Variants in C16orf96 observed in about 807,000 individuals in gnomAD.
C16orf96 encodes uncharacterized protein C16orf96.
In C16orf96, 108 loss-of-function variants were observed where a neutral mutation model predicts 103.6. The observed-to-expected ratio is 1.04, with a 90% CI of 0.89 to 1.22. The LOEUF (loss-of-function observed/expected upper bound fraction) is 1.22, where lower values mean the gene tolerates loss of function less well. Among genes scored for constraint, C16orf96 ranks in the 50% most tolerant of loss-of-function variants. C16orf96 has a pLI of 0.00. For synonymous variants in C16orf96, 566 were observed against 593.5 expected (o/e 0.95, Z 0.67); for missense variants, 1,586 against 1,464.2 (o/e 1.08, Z -1.36).
At chr16:4,540,808 C>T in the C16orf96 span, among the ~76,000 whole-genome samples, 4 of 151,898 alleles carry the variant, frequency 2.6e-5, no homozygotes, top group African/African-American at 9.7e-5. Context: ...AGTACAGTGG[C>T]ATGATCATAG....
At position 4,556,581 on chromosome 16, in the gene C16orf96, A is replaced by G; in HGVS notation, c.92A>G (p.His31Arg). 1 of 1,551,690 alleles carries G rather than the reference A, an allele frequency of 6.4e-7. No homozygotes were observed. Among genetic ancestry groups the G allele is most frequent in the South Asian group, 1.2e-5 (1 of 84,054 alleles). ...LNFKALHLLL[H>R]GILEHIHMAE... ...TTCAAGGCCCTGCACCTCCTGCTGCACGGCATCTTGGAGCACATCCACATG... is the reference window on the plus strand; with the variant it reads ...TTCAAGGCCCTGCACCTCCTGCTGCGCGGCATCTTGGAGCACATCCACATG... The change falls in exon 1 of 16, where the codon CAC (histidine) becomes CGC (arginine). Residue 31 changes from histidine (H) to arginine (R), a missense_variant. By Grantham distance (29) the His-to-Arg change is conservative. Coordinates refer to ENST00000444310, the MANE Select transcript of C16orf96 (RefSeq NM_001145011.2).
rs1418347642 is a variant in C16orf96 at position 4,600,498 on chromosome 16, C to A, written c.*181C>A. Reference sequence around the variant, plus strand: ...AGGCTGAGGCTCATGCGCCCCCCCCCATCCCTACCAAGTCCCCTCCACGTC... The same window carrying A: ...AGGCTGAGGCTCATGCGCCCCCCCCAATCCCTACCAAGTCCCCTCCACGTC... On this transcript the variant is annotated 3_prime_UTR_variant, in exon 16 of 16. Transcript: ENST00000444310. The A allele has an allele frequency of 5.5e-5, 26 of 474,482 alleles. 2 individuals carry two copies. The highest frequency in any genetic ancestry group is 1.1e-4 in the African/African-American group (5 of 44,466). The allele number at this position is 474,482 out of a possible 1,614,324, so 29.4% of individuals were successfully genotyped here.
chr16:4,574,540 A>G (rs2059477389), intron 2 of C16orf96, among the ~76,000 whole-genome samples, 169 bp from the exon 3 acceptor site: 1 of 152,186 alleles, frequency 6.6e-6, no homozygotes, highest in Non-Finnish European at 1.5e-5. Context: ...TTTCAAGCCC[A>G]GCATTTCCCA....
chr16:4,586,122 T>C (rs1177091367), intron 7 of C16orf96, among the ~76,000 whole-genome samples: 8 of 151,998 alleles, frequency 5.3e-5, no homozygotes, highest in Non-Finnish European at 7.4e-5. Flanking sequence ...TAGCCAGGCG[T>C]GGTGTTGGGT....
Position 4,594,405 on chromosome 16 carries a change from G to T in C16orf96, c.2922G>T (p.Gln974His). ...TCGGTATCCAGGAGGATTGTCAGCA[G>T]GACTGGGGTGATGGCCCCCAAAACG... ...QDLGIQEDCQ[Q>H]DWGDGPQNAT... The change falls in exon 13 of 16, where the codon CAG becomes CAT. Residue 974 changes from glutamine to histidine, a missense_variant. By Grantham distance (24) the Gln-to-His change is conservative. Transcript: ENST00000444310. 6.4e-7 allele frequency: 1 copy of T among 1,551,394 alleles called. No homozygotes were observed. Among genetic ancestry groups the T allele is most frequent in the Non-Finnish European group, 8.7e-7 (1 of 1,147,002 alleles).
intron 2 of C16orf96, among the ~76,000 whole-genome samples, chr16:4,572,348 G>A (rs2059448811): frequency 7.9e-6 from 1 of 127,364 alleles, no homozygotes; most frequent in East Asian, 2.3e-4. Flanking sequence ...TGCCCAGGCT[G>A]GAGTGTAGTG....
chr16:4,546,457 CT>C, the C16orf96 span, among the ~76,000 whole-genome samples: 2,138 of 104,534 alleles, frequency 0.02, 54 homozygotes, highest in African/African-American at 0.07. Flanking sequence ...CGCGCCCGGA[CT>C]TTTTTTTTTT....
chr16:4,561,973 C>T (rs1256647533), intron 1 of C16orf96, among the ~76,000 whole-genome samples: 1 of 152,148 alleles, frequency 6.6e-6, no homozygotes, highest in African/African-American at 2.4e-5. Context: ...GAAACTGTTT[C>T]GTCTAACCCT....
At position 4,594,765 on chromosome 16, in the gene C16orf96, G is replaced by C. The variant is rs200240491; in HGVS notation, c.3089G>C (p.Arg1030Pro). 3 of 1,550,850 alleles carry C rather than the reference G, an allele frequency of 1.9e-6. No individual in the cohort carries two copies. Among genetic ancestry groups the C allele is most frequent in the Admixed American group, 3.9e-5 (2 of 50,968 alleles). The part of the protein sequence containing the change: ...ILYKGRVNSQ[R>P]GAQPLAVAKE... ...TACAAAGGCCGCGTGAACAGCCAGCGTGGGGCTCAGCCCTTGGCCGTCGCA... is the reference window on the plus strand; with the variant it reads ...TACAAAGGCCGCGTGAACAGCCAGCCTGGGGCTCAGCCCTTGGCCGTCGCA... The change falls in exon 14 of 16, where the codon CGT becomes CCT. Residue 1030 changes from arginine (R) to proline (P), a missense_variant. Arg to Pro is a moderately radical substitution (Grantham distance 103, BLOSUM62 -2). Transcript: ENST00000444310.
intron 7 of C16orf96, among the ~76,000 whole-genome samples, chr16:4,585,312 A>AAAAAAAAAAAAAAAAAAAAAAAAAAAG (rs60726283): frequency 9.1e-6 from 1 of 109,944 alleles, no homozygotes; most frequent in Non-Finnish European, 1.8e-5. Context: ...AAAAAAAAAA[A>AAAAAAAAAAAAAAAAAAAAAAAAAAAG]TCCAGGTAGG....
chr16:4,564,401 T>A (rs558629416), intron 1 of C16orf96, among the ~76,000 whole-genome samples: 213 of 152,320 alleles, frequency 1.4e-3, no homozygotes, highest in African/African-American at 4.9e-3. Context: ...TCTAAGGGGA[T>A]GCTAACAACC....
intron 1 of C16orf96, among the ~76,000 whole-genome samples, chr16:4,569,319 C>G (rs2059412380): frequency 1.3e-5 from 2 of 152,184 alleles, no homozygotes; most frequent in Non-Finnish European, 2.9e-5. Context: ...ATTGAAGTCT[C>G]AAACTATTCT....
intron 9 of C16orf96, among the ~76,000 whole-genome samples, chr16:4,589,532 C>T (rs1171628525): frequency 1.3e-5 from 2 of 151,118 alleles, no homozygotes; most frequent in African/African-American, 2.4e-5. Context: ...GAACCAAAAT[C>T]GTGCCACTGC....
intron 11 of C16orf96, 45 bp downstream of exon 11, chr16:4,592,412 G>A: frequency 6.5e-7 from 1 of 1,547,490 alleles, no homozygotes; most frequent in Non-Finnish European, 8.7e-7. Context: ...GGGCTTGTGG[G>A]GCCCATGGAG....
At chr16:4,564,549 G>A (rs2059367414) in intron 1 of C16orf96, among the ~76,000 whole-genome samples, 1 of 152,134 alleles carries the variant, frequency 6.6e-6, no homozygotes, top group Admixed American at 6.5e-5. Flanking sequence ...GGTGGTTTAC[G>A]CCTATGATCC....
At chr16:4,580,317 C>CG (rs543664473) in intron 7 of C16orf96, among the ~76,000 whole-genome samples, 192 bp downstream of exon 7, 1 of 130,766 alleles carries the variant, frequency 7.6e-6, no homozygotes, top group Non-Finnish European at 1.7e-5. Context: ...ACCACCCCCC[C>CG]CCACCCATAT....
chr16:4,553,544 T>C (rs1016389410), upstream of C16orf96, among the ~76,000 whole-genome samples: 3 of 152,086 alleles, frequency 2.0e-5, no homozygotes, highest in Non-Finnish European at 2.9e-5. Flanking sequence ...CACCGTGTTG[T>C]GCAGGCTGGT....
the C16orf96 span, among the ~76,000 whole-genome samples, chr16:4,546,709 T>C: frequency 4.6e-5 from 7 of 151,970 alleles, no homozygotes; most frequent in Non-Finnish European, 1.0e-4. Flanking sequence ...CAAGCAGTCC[T>C]CCCATCTTAG....
chr16:4,538,773 T>C, the C16orf96 span: 1 of 152,058 alleles, frequency 6.6e-6, no homozygotes, highest in Non-Finnish European at 1.5e-5. Context: ...GTCGCACTTC[T>C]GTCACAAGGA....
Sources: gnomAD v4.1 joint callset for allele counts (sites outside exome capture counted in the v4.1 genomes callset) on GRCh38, gnomAD v4.1.1 for gene constraint, MANE v1.5 for transcripts, NCBI Gene and HGNC (gene_info 2026-07-23, HGNC 2026-07-21) for gene names.